NRXN1: variants seen among roughly 807,000 people sequenced by gnomAD.
The protein encoded by NRXN1 is neurexin 1, also known as neurexin-1.
NRXN1 carries 39 observed loss-of-function variants against 150.9 expected under a neutral mutation model. The ratio of observed to expected loss-of-function variants is 0.26; its 90% CI spans 0.20 to 0.34. NRXN1 has a LOEUF of 0.34. NRXN1 is among the 10% of genes least tolerant of loss of function. The probability of loss-of-function intolerance (pLI) is 1.00; values close to 1 mark genes in which losing one functional copy is unlikely to be tolerated. For missense variants in NRXN1, 1,815 were observed against 1,949.9 expected, an observed-to-expected ratio of 0.93 and a Z score of 1.30; for synonymous variants, 924 against 757.0, an observed-to-expected ratio of 1.22 and a Z score of -3.62.
At chr2:50,025,967 A>T (rs1403994445) in intron 21 of NRXN1, among the ~76,000 whole-genome samples, 2 of 152,182 alleles carry the variant, frequency 1.3e-5, no homozygotes, top group African/African-American at 4.8e-5. Context: ...ATTTTATAAT[A>T]ACTTCTTAGA....
intron 18 of NRXN1, among the ~76,000 whole-genome samples, chr2:50,123,962 G>A (rs1456680786): frequency 1.3e-5 from 2 of 152,070 alleles, no homozygotes; most frequent in Non-Finnish European, 1.5e-5. Context: ...AAATGTGGAC[G>A]TATCACATAC....
At chr2:50,049,458 G>T (rs1042603281) in intron 21 of NRXN1, among the ~76,000 whole-genome samples, 1 of 152,132 alleles carries the variant, frequency 6.6e-6, no homozygotes, top group Non-Finnish European at 1.5e-5. Flanking sequence ...TGACGAGATA[G>T]GTGGTTGTGT....
At chr2:50,483,568 C>T (rs1194967397) in intron 15 of NRXN1, among the ~76,000 whole-genome samples, 2 of 152,142 alleles carry the variant, frequency 1.3e-5, no homozygotes, top group Admixed American at 6.5e-5. Flanking sequence ...CTTGTTGCAA[C>T]CCTTCACAAT....
At position 50,526,205 on chromosome 2, in the gene NRXN1, T is replaced by C. The variant is rs1030783066; in HGVS notation, c.2374+2420A>G. ...TTCTGGGGAAGTTTCCATTCAAACG[T>C]AATAACTTAGAGTTTAATATTAGTC... On this transcript the variant is annotated intron_variant, in intron 12 of 22. Coordinates refer to ENST00000401669, the MANE Select transcript of NRXN1 (RefSeq NM_001330078.2). Among the ~76,000 whole-genome samples, 9 of 152,328 alleles carry C rather than the reference T, an allele frequency of 5.9e-5. No homozygotes were observed. In the East Asian group the frequency reaches 1.5e-3, roughly 26 times the overall value.
intron 15 of NRXN1, among the ~76,000 whole-genome samples, chr2:50,487,878 G>C (rs1386400215): frequency 2.0e-5 from 3 of 152,250 alleles, no homozygotes; most frequent in African/African-American, 7.2e-5. Context: ...AAAAATCTAA[G>C]GTCCTCCTTC....
intron 18 of NRXN1, among the ~76,000 whole-genome samples, chr2:50,141,756 A>G (rs1707304096): frequency 6.6e-6 from 1 of 152,112 alleles, no homozygotes; most frequent in South Asian, 2.1e-4. Flanking sequence ...AACCTCCATC[A>G]GATATCCTTA....
intron 5 of NRXN1, among the ~76,000 whole-genome samples, chr2:50,690,863 T>C (rs1263802074): frequency 6.6e-6 from 1 of 152,208 alleles, no homozygotes; most frequent in Non-Finnish European, 1.5e-5. Context: ...CTCCCGGTTC[T>C]TTTCCTTTAA....
At chr2:50,265,727 C>A (rs540528528) in intron 17 of NRXN1, among the ~76,000 whole-genome samples, 9 of 152,122 alleles carry the variant, frequency 5.9e-5, no homozygotes, top group African/African-American at 1.9e-4. Flanking sequence ...GACACAAGAC[C>A]AGAAAAAGTC....
chr2:50,701,178 T>C (rs1394055457), intron 5 of NRXN1, among the ~76,000 whole-genome samples: 2 of 152,162 alleles, frequency 1.3e-5, no homozygotes, highest in East Asian at 3.8e-4. Context: ...ATAATATTTC[T>C]ACTATCTAAT....
At chr2:50,157,324 G>C (rs2059082357) in intron 18 of NRXN1, among the ~76,000 whole-genome samples, 1 of 151,942 alleles carries the variant, frequency 6.6e-6, no homozygotes, top group Non-Finnish European at 1.5e-5. Context: ...GTTTTCACCA[G>C]TCATTCAGGC....
At chr2:50,536,956 C>G (rs2093275260) in intron 10 of NRXN1, among the ~76,000 whole-genome samples, 1 of 152,158 alleles carries the variant, frequency 6.6e-6, no homozygotes, top group Admixed American at 6.6e-5. Context: ...TACCCGTCTA[C>G]TGACCCATCT....
intron 17 of NRXN1, among the ~76,000 whole-genome samples, chr2:50,383,202 G>C (rs1469638523): frequency 6.6e-6 from 1 of 152,144 alleles, no homozygotes; most frequent in Non-Finnish European, 1.5e-5. Flanking sequence ...TTTCAGCAGA[G>C]TACAACTAGG....
At chr2:50,674,643 TG>T (rs1377125683) in intron 5 of NRXN1, among the ~76,000 whole-genome samples, 16 of 152,064 alleles carry the variant, frequency 1.1e-4, no homozygotes, top group Admixed American at 1.0e-3. Context: ...TGAGAGTGTT[TG>T]GGAGTAGAAA....
chr2:50,891,454 T>C (rs1023617949), intron 5 of NRXN1, among the ~76,000 whole-genome samples: 2 of 152,074 alleles, frequency 1.3e-5, no homozygotes, highest in African/African-American at 4.8e-5. Context: ...TATACTTAAA[T>C]ATACACGAGT....
intron 2 of NRXN1, among the ~76,000 whole-genome samples, chr2:51,026,652 A>G (rs1392592226): frequency 2.0e-5 from 3 of 152,202 alleles, no homozygotes; most frequent in African/African-American, 7.2e-5. Flanking sequence ...AGTCTGCAGA[A>G]GCTTCCCAAT....
At chr2:51,031,590 A>G (rs1671562577) in intron 1 of NRXN1, among the ~76,000 whole-genome samples, 1 of 152,144 alleles carries the variant, frequency 6.6e-6, no homozygotes, top group Admixed American at 6.5e-5. Flanking sequence ...TCTAAGCTCC[A>G]TCTCTAATAC....
intron 22 of NRXN1, among the ~76,000 whole-genome samples, chr2:49,925,844 G>C (rs926655579): frequency 2.0e-5 from 3 of 152,112 alleles, no homozygotes; most frequent in Non-Finnish European, 4.4e-5. Flanking sequence ...GTTAAAAAAA[G>C]CAAGTAAAAG....
chr2:50,259,078 T>G (rs2067996023), intron 17 of NRXN1, among the ~76,000 whole-genome samples: 1 of 151,958 alleles, frequency 6.6e-6, no homozygotes, highest in African/African-American at 2.4e-5. Context: ...GGCTTCAACT[T>G]AAATTCACCA....
chr2:49,997,630 G>C (rs1190602898), intron 21 of NRXN1, among the ~76,000 whole-genome samples: 1 of 152,080 alleles, frequency 6.6e-6, no homozygotes, highest in African/African-American at 2.4e-5. Flanking sequence ...CATAGCCTTT[G>C]GCTTTGAGAA....
Sources: gnomAD v4.1 joint callset for allele counts (sites outside exome capture counted in the v4.1 genomes callset) on GRCh38, gnomAD v4.1.1 for gene constraint, MANE v1.5 for transcripts, NCBI Gene and HGNC (gene_info 2026-07-23, HGNC 2026-07-21) for gene names.